The following CFAP54 variants were observed in gnomAD, a reference collection of about 807,000 sequenced individuals.
CFAP54 encodes cilia- and flagella-associated protein 54.
Under a neutral mutation model 370.4 loss-of-function variants are expected in CFAP54, and 290 were observed. The ratio of observed to expected loss-of-function variants is 0.78; its 90% CI spans 0.71 to 0.86. CFAP54 has a LOEUF of 0.86. Among genes scored for constraint, CFAP54 ranks in the 40% least tolerant of loss-of-function variants. The probability of loss-of-function intolerance (pLI) is 0.00; values close to 1 mark genes in which losing one functional copy is unlikely to be tolerated. For synonymous variants in CFAP54, 1,206 were observed against 1,236.5 expected (o/e 0.98, Z 0.52); for missense variants, 3,399 against 3,528.7 (o/e 0.96, Z 0.93).
At chr12:96,795,331 G>A (rs935969032) in intron 63 of CFAP54, among the ~76,000 whole-genome samples, 1 of 152,162 alleles carries the variant, frequency 6.6e-6, no homozygotes, top group African/African-American at 2.4e-5. Context: ...TGGTGGATGA[G>A]GACATAGAGC....
chr12:96,791,693 GAAA>G (rs1271200943), intron 62 of CFAP54, among the ~76,000 whole-genome samples: 3 of 151,994 alleles, frequency 2.0e-5, no homozygotes, highest in African/African-American at 7.2e-5. Context: ...ATTCACCAGT[GAAA>G]AAAACAGAAA....
intron 34 of CFAP54, among the ~76,000 whole-genome samples, chr12:96,649,623 G>A (rs979347740): frequency 5.9e-5 from 9 of 152,276 alleles, no homozygotes; most frequent in Non-Finnish European, 1.2e-4. Flanking sequence ...TCCTACTTCT[G>A]CATTGTTCCT....
chr12:96,615,288 C>T (rs1173636129), intron 26 of CFAP54, among the ~76,000 whole-genome samples: 3 of 152,182 alleles, frequency 2.0e-5, no homozygotes, highest in African/African-American at 7.2e-5. Context: ...ATAAATGGTG[C>T]TGGGAAAACT....
At chr12:96,686,245 A>G in intron 42 of CFAP54, among the ~76,000 whole-genome samples, 1 of 151,792 alleles carries the variant, frequency 6.6e-6, no homozygotes, top group Non-Finnish European at 1.5e-5. Context: ...CAATATCCTA[A>G]TCTCCTCTTC....
At position 96,729,396 on chromosome 12, in the gene CFAP54, C is replaced by T. The variant is rs902712409; in HGVS notation, c.6965+8831C>T. Among the ~76,000 whole-genome samples, 5 of 152,354 alleles carry T rather than the reference C, an allele frequency of 3.3e-5. No homozygotes were observed. The East Asian group carries it at 7.7e-4, about 24-fold the overall frequency. On this transcript the variant is annotated intron_variant, in intron 50 of 67. Coordinates refer to ENST00000524981, the MANE Select transcript of CFAP54 (RefSeq NM_001306084.2). The stretch of plus-strand genomic sequence containing the variant: ...AGCCTGGGCAATGGCGGGCGCCCCT[C>T]CCCCAGCCTCGCTTCTGCCTTGCAG...
At chr12:96,741,167 G>GT (rs1014011554) in intron 51 of CFAP54, among the ~76,000 whole-genome samples, 11 of 152,054 alleles carry the variant, frequency 7.2e-5, no homozygotes, top group Admixed American at 3.3e-4. Flanking sequence ...CTTACTCTTG[G>GT]TTTTTTGGTT....
At chr12:96,639,844 A>G (rs1956704865) in intron 32 of CFAP54, among the ~76,000 whole-genome samples, 1 of 152,206 alleles carries the variant, frequency 6.6e-6, no homozygotes, top group Non-Finnish European at 1.5e-5. Context: ...GATTATCTCA[A>G]TAGATGCAGA....
intron 64 of CFAP54, among the ~76,000 whole-genome samples, chr12:96,812,802 G>A (rs774809754): frequency 2.6e-5 from 4 of 152,108 alleles, no homozygotes; most frequent in Admixed American, 1.3e-4. Context: ...AGAGACAAAG[G>A]CTGTTTCAAG....
At chr12:96,787,157 A>G (rs1667096828) in intron 62 of CFAP54, among the ~76,000 whole-genome samples, 1 of 152,182 alleles carries the variant, frequency 6.6e-6, no homozygotes, top group African/African-American at 2.4e-5. Context: ...TTCCTGCACA[A>G]AACAGCATCT....
intron 47 of CFAP54, among the ~76,000 whole-genome samples, chr12:96,705,217 G>A (rs1167099156): frequency 6.6e-6 from 1 of 152,062 alleles, no homozygotes; most frequent in Non-Finnish European, 1.5e-5. Flanking sequence ...ATTTTTTTAA[G>A]TGCTAGGAAA....
intron 65 of CFAP54, 121 bp downstream of exon 65, chr12:96,818,034 G>A (rs1028789541): frequency 1.0e-5 from 7 of 698,928 alleles, no homozygotes; most frequent in East Asian, 6.4e-5. Flanking sequence ...TTCAGAGTAC[G>A]AGACATGACT....
At chr12:96,861,645 A>G (rs1460800758) in intron 67 of CFAP54, among the ~76,000 whole-genome samples, 1 of 152,194 alleles carries the variant, frequency 6.6e-6, no homozygotes, top group Non-Finnish European at 1.5e-5. Flanking sequence ...TAGCTTTGCT[A>G]CTTTGGAGAA....
intron 14 of CFAP54, 131 bp from the exon 15 acceptor site, chr12:96,547,771 C>A: frequency 2.5e-6 from 1 of 399,048 alleles, no homozygotes; most frequent in Non-Finnish European, 4.4e-6. Flanking sequence ...TTCTCTGGTC[C>A]TTCCTTCTTC....
rs528445215 is a variant in CFAP54 at position 96,646,457 on chromosome 12, G to A, written c.4548-1418G>A. On this transcript the variant is annotated intron_variant, in intron 33 of 67. Transcript: ENST00000524981. Reference sequence around the variant, plus strand: ...AAAAAGTCAGGAAACAAGAGGTGCTGGAGAGGATGTGGAGAAATAGGAACA... The same window carrying A: ...AAAAAGTCAGGAAACAAGAGGTGCTAGAGAGGATGTGGAGAAATAGGAACA... 3.1e-3 allele frequency: 467 copies of A among 152,304 alleles called. 3 individuals carry two copies. Among genetic ancestry groups the A allele is most frequent in the African/African-American group, 0.01 (428 of 41,564 alleles). 9.4% of individuals were successfully genotyped at this position (152,304 alleles called of 1,614,324 possible).
At chr12:96,664,727 A>ATC (rs374253706) in intron 39 of CFAP54, among the ~76,000 whole-genome samples, 170 of 12,008 alleles carry the variant, frequency 0.014, 19 homozygotes, top group Middle Eastern at 0.042. Flanking sequence ...ATATATATCT[A>ATC]TATATATATA....
At chr12:96,615,492 A>C (rs1337477670) in intron 26 of CFAP54, among the ~76,000 whole-genome samples, 2 of 152,162 alleles carry the variant, frequency 1.3e-5, no homozygotes, top group African/African-American at 2.4e-5. Context: ...CAATGGCAAC[A>C]AAAGCCAAAA....
chr12:96,718,345 C>T, intron 48 of CFAP54, 98 bp from the exon 49 acceptor site: 2 of 680,548 alleles, frequency 2.9e-6, no homozygotes, highest in South Asian at 3.1e-5. Flanking sequence ...GGTGACAGAG[C>T]CAGACCCTGT....
intron 60 of CFAP54, among the ~76,000 whole-genome samples, chr12:96,777,935 T>C (rs143522972): frequency 7.2e-5 from 11 of 152,306 alleles, no homozygotes; most frequent in African/African-American, 2.4e-4. Context: ...TAGACAAATA[T>C]AAGCAAAACT....
In CFAP54 at chr12:96,720,475, C is replaced by T. The variant is rs74582089; in HGVS notation, c.6875C>T (p.Ser2292Phe). Reference protein sequence around the residue: ...LLSEVEQKTLSQCSAGELEIV... With the variant: ...LLSEVEQKTLFQCSAGELEIV... ...TCCGAGGTGGAACAGAAGACCCTGT[C>T]TCAGTGCTCCGCTGGCGAGCTGGAG... Residue 2292 changes from serine (S) to phenylalanine (F), a missense_variant, in exon 50 of 68, where the codon TCT becomes TTT. Around this residue, in one of 3 missense-constraint regions of CFAP54, gnomAD observed 2,796 missense variants for 2,869.7 expected, o/e 0.97. Coordinates refer to ENST00000524981, the MANE Select transcript of CFAP54 (RefSeq NM_001306084.2). 1 of 1,605,732 alleles carries T rather than the reference C, an allele frequency of 6.2e-7. No homozygotes were observed. The highest frequency in any genetic ancestry group is 1.1e-5 in the South Asian group (1 of 89,774).
Sources: allele counts gnomAD v4.1 joint callset (sites outside exome capture counted in the v4.1 genomes callset), GRCh38; gene constraint gnomAD v4.1.1; regional missense constraint gnomAD v4.1.1; transcripts MANE v1.5; gene names NCBI Gene and HGNC (gene_info 2026-07-23, HGNC 2026-07-21).